Variants in WDR43 observed in about 807,000 individuals in gnomAD.
WDR43 encodes the protein WD repeat-containing protein 43.
A neutral mutation model predicts 91.4 loss-of-function variants in WDR43; 13 were observed. That is an observed-to-expected ratio of 0.14 (90% CI 0.09 to 0.23). The LOEUF (loss-of-function observed/expected upper bound fraction) is 0.23. Among genes scored for constraint, WDR43 ranks in the 10% least tolerant of loss-of-function variants. The probability of loss-of-function intolerance (pLI) is 1.00; values close to 1 mark genes in which losing one functional copy is unlikely to be tolerated. For missense variants in WDR43, 780 were observed against 809.4 expected, an observed-to-expected ratio of 0.96 and a Z score of 0.44; for synonymous variants, 331 against 287.9, an observed-to-expected ratio of 1.15 and a Z score of -1.51.
At chr2:28,936,652 T>A (rs1270045733) in intron 12 of WDR43, among the ~76,000 whole-genome samples, 1 of 152,238 alleles carries the variant, frequency 6.6e-6, no homozygotes, top group Non-Finnish European at 1.5e-5. Flanking sequence ...CTCTCCATTC[T>A]TCCTTCTCCC....
chr2:28,930,822 C>A (rs1395259757), intron 11 of WDR43, among the ~76,000 whole-genome samples: 1 of 152,102 alleles, frequency 6.6e-6, no homozygotes, highest in Non-Finnish European at 1.5e-5. Context: ...TACCTAGTTT[C>A]AAAAATTATC....
At chr2:28,920,578 T>C (rs909038599) in intron 6 of WDR43, among the ~76,000 whole-genome samples, 1 of 152,166 alleles carries the variant, frequency 6.6e-6, no homozygotes, top group African/African-American at 2.4e-5. Context: ...AGGTAGGTTC[T>C]TTAAGTCTAA....
chr2:28,930,492 C>T (rs1671218843), intron 11 of WDR43, among the ~76,000 whole-genome samples: 1 of 152,114 alleles, frequency 6.6e-6, no homozygotes, highest in African/African-American at 2.4e-5. Flanking sequence ...TAGTGTGTCT[C>T]ATTTTATTTG....
At chr2:28,896,946 C>G (rs1232998028) in intron 1 of WDR43, among the ~76,000 whole-genome samples, 1 of 152,026 alleles carries the variant, frequency 6.6e-6, no homozygotes, top group Non-Finnish European at 1.5e-5. Context: ...TATGGAATCC[C>G]CTGAAATTAA....
At position 28,927,560 on chromosome 2, in the gene WDR43, G is replaced by A. The variant is rs1377806097; in HGVS notation, c.1174-9G>A. ...CCTTTTTCACACTTTGGCTATTCCT[G>A]TTGAACAGGTGAGGACACCAGTGAT... is the stretch of plus-strand genomic sequence containing the variant. On this transcript the variant is annotated splice_polypyrimidine_tract_variant and intron_variant, in intron 9 of 17. Coordinates refer to ENST00000407426, the MANE Select transcript of WDR43 (RefSeq NM_015131.3). 2 of 1,611,718 alleles carry A rather than the reference G, an allele frequency of 1.2e-6. No homozygotes were observed. The highest frequency in any genetic ancestry group is 8.5e-7 in the Non-Finnish European group (1 of 1,178,266).
intron 14 of WDR43, among the ~76,000 whole-genome samples, chr2:28,941,123 A>C (rs552532221): frequency 6.6e-6 from 1 of 152,336 alleles, no homozygotes; most frequent in East Asian, 1.9e-4. Flanking sequence ...GATACGTGGT[A>C]GAGGCATTTT....
chr2:28,928,204 C>G (rs1398887292), intron 10 of WDR43: 1 of 152,232 alleles, frequency 6.6e-6, no homozygotes, highest in Non-Finnish European at 1.5e-5. Context: ...TTTTATCTTC[C>G]ATTCACATTC....
chr2:28,895,371 C>G (rs928592043), intron 1 of WDR43: 1 of 156,608 alleles, frequency 6.4e-6, no homozygotes, highest in African/African-American at 2.4e-5. Context: ...CTAGTCTGTA[C>G]TTGCTTCCGG....
In WDR43 at chr2:28,927,689, G is replaced by A. The variant is rs1234995446; in HGVS notation, c.1294G>A (p.Gly432Arg). The change falls in exon 10 of 18, where the codon GGG (glycine) becomes AGG (arginine). Residue 432 changes from glycine (G) to arginine (R), a missense_variant. Physicochemically the swap from Gly to Arg is moderately radical, Grantham distance 125. This residue lies in a region of WDR43 where 426 missense variants were observed against 467.8 expected (regional missense o/e 0.91). Transcript: ENST00000407426. ...TEQVESKRKS[G>R]GNEVSIEERL... Reference sequence around the variant, plus strand: ...GCAAGTAGAGAGCAAGAGGAAGTCAGGGGGAAATGAGGTAATGCAACTGCT... The same window carrying A: ...GCAAGTAGAGAGCAAGAGGAAGTCAAGGGGAAATGAGGTAATGCAACTGCT... 1 of 1,613,922 alleles carries A rather than the reference G, an allele frequency of 6.2e-7. No individual in the cohort carries two copies. Among genetic ancestry groups the A allele is most frequent in the Admixed American group, 1.7e-5 (1 of 60,018 alleles).
intron 9 of WDR43, 125 bp downstream of exon 9, chr2:28,926,679 T>C (rs994519886): frequency 2.0e-5 from 17 of 868,716 alleles, no homozygotes; most frequent in East Asian, 5.5e-5. Flanking sequence ...TCTTGTCTTA[T>C]AAATTTTGTG....
chr2:28,909,705 C>G (rs1225175254), intron 3 of WDR43, among the ~76,000 whole-genome samples: 36 of 152,092 alleles, frequency 2.4e-4, no homozygotes, highest in Admixed American at 2.2e-3. Context: ...AGAACCCCCT[C>G]TCTACAAAAA....
chr2:28,912,342 T>C (rs1332420950), intron 3 of WDR43, among the ~76,000 whole-genome samples: 1 of 152,174 alleles, frequency 6.6e-6, no homozygotes, highest in Non-Finnish European at 1.5e-5. Context: ...CTGATACTTG[T>C]TGAGAATCTT....
At chr2:28,937,164 A>G (rs529197531) in intron 13 of WDR43, among the ~76,000 whole-genome samples, 1 of 152,318 alleles carries the variant, frequency 6.6e-6, no homozygotes, top group South Asian at 2.1e-4. Context: ...TAGCTTTATT[A>G]GCAGGTCATT....
At chr2:28,922,843 G>A in intron 6 of WDR43, 76 bp from the exon 7 acceptor site, 3 of 1,008,948 alleles carry the variant, frequency 3.0e-6, no homozygotes, top group South Asian at 2.2e-5. Flanking sequence ...GGGAAGGACA[G>A]CTGAGTTTTC....
chr2:28,901,779 G>T (rs1301390867), intron 1 of WDR43, among the ~76,000 whole-genome samples: 4 of 152,102 alleles, frequency 2.6e-5, no homozygotes, highest in Non-Finnish European at 4.4e-5. Flanking sequence ...TTCCATAGGG[G>T]TGGGAGACGG....
chr2:28,936,358 G>T (rs1011009427), intron 12 of WDR43, among the ~76,000 whole-genome samples: 1 of 151,980 alleles, frequency 6.6e-6, no homozygotes, highest in East Asian at 1.9e-4. Flanking sequence ...GTATAGTTAC[G>T]GTATTAACAG....
At chr2:28,905,618 G>A (rs1211243358) in intron 2 of WDR43, among the ~76,000 whole-genome samples, 1 of 151,328 alleles carries the variant, frequency 6.6e-6, no homozygotes, top group Non-Finnish European at 1.5e-5. Context: ...ACAGGAGAAG[G>A]AAAGTTAACA....
At chr2:28,929,239 G>C (rs74883341) in intron 10 of WDR43, among the ~76,000 whole-genome samples, 48 of 152,320 alleles carry the variant, frequency 3.2e-4, no homozygotes, top group African/African-American at 1.2e-3. Context: ...GCAAGCTTCT[G>C]TGAGAATAGG....
chr2:28,935,269 A>C (rs1235329222), intron 11 of WDR43, among the ~76,000 whole-genome samples: 1 of 152,198 alleles, frequency 6.6e-6, no homozygotes, highest in Non-Finnish European at 1.5e-5. Flanking sequence ...TAAAACACAA[A>C]GAAGTAAAAT....
Sources: gnomAD v4.1 joint callset for allele counts (sites outside exome capture counted in the v4.1 genomes callset) on GRCh38, gnomAD v4.1.1 for gene constraint, gnomAD v4.1.1 regional missense constraint, MANE v1.5 for transcripts, NCBI Gene and HGNC (gene_info 2026-07-23, HGNC 2026-07-21) for gene names.